The following GLIS3 variants were observed in gnomAD, a reference collection of about 807,000 sequenced individuals.
GLIS3 encodes GLIS family zinc finger 3.
A neutral mutation model predicts 78.6 loss-of-function variants in GLIS3; 53 were observed. That is an observed-to-expected ratio of 0.67 (90% confidence interval 0.54 to 0.85). GLIS3 has a LOEUF of 0.85. GLIS3 is among the 40% of genes least tolerant of loss of function. The pLI is 0.00. For synonymous variants in GLIS3, 684 were observed against 509.9 expected (o/e 1.34, Z -4.60); for missense variants, 1,703 against 1,231.1 (o/e 1.38, Z -5.74).
intron 9 of GLIS3, among the ~76,000 whole-genome samples, chr9:3,837,911 T>C (rs1818453576): frequency 6.6e-6 from 1 of 151,452 alleles, no homozygotes; most frequent in African/African-American, 2.4e-5. Flanking sequence ...TGAGTGAAAC[T>C]GATGTGTCAT....
chr9:4,323,880 A>G (rs10814934), intron 2 of GLIS3, among the ~76,000 whole-genome samples: 19 of 152,204 alleles, frequency 1.2e-4, no homozygotes, highest in African/African-American at 4.3e-4. Flanking sequence ...TATTCAGTAC[A>G]TCTAACTAAA....
chr9:4,385,583 T>C, the GLIS3 span, among the ~76,000 whole-genome samples: 1 of 150,248 alleles, frequency 6.7e-6, no homozygotes, highest in African/African-American at 2.5e-5. Context: ...GAGAAATGCT[T>C]GAACCTAGGA....
At chr9:4,096,424 A>G (rs964170646) in intron 4 of GLIS3, among the ~76,000 whole-genome samples, 1 of 152,220 alleles carries the variant, frequency 6.6e-6, no homozygotes, top group African/African-American at 2.4e-5. Context: ...CATCCTGCAC[A>G]TAACTCCAGA....
chr9:4,008,634 C>T (rs1821746601), intron 4 of GLIS3, among the ~76,000 whole-genome samples: 1 of 152,144 alleles, frequency 6.6e-6, no homozygotes, highest in Admixed American at 6.5e-5. Context: ...ATTCATCTCC[C>T]CACCTAGACT....
chr9:4,146,679 T>A (rs1395650746), intron 2 of GLIS3, among the ~76,000 whole-genome samples: 7 of 152,242 alleles, frequency 4.6e-5, no homozygotes, highest in Non-Finnish European at 1.0e-4. Flanking sequence ...GAATTAGATT[T>A]TTCAGCAGTA....
At chr9:4,228,216 A>G (rs71510205) in intron 2 of GLIS3, among the ~76,000 whole-genome samples, 9,377 of 150,396 alleles carry the variant, frequency 0.062, 384 homozygotes, top group Non-Finnish European at 0.089. Context: ...AAAAAAAAAA[A>G]AAGAAGAAGA....
the GLIS3 span, among the ~76,000 whole-genome samples, chr9:4,355,690 C>T: frequency 3.3e-5 from 5 of 152,138 alleles, no homozygotes; most frequent in Non-Finnish European, 7.4e-5. Context: ...CTCAGCAAAC[C>T]TCTTGGCTAA....
chr9:3,983,154 G>A (rs1819441899), intron 4 of GLIS3, among the ~76,000 whole-genome samples: 1 of 152,140 alleles, frequency 6.6e-6, no homozygotes, highest in South Asian at 2.1e-4. Context: ...TTCCTGTGCT[G>A]TTCTCTTGAT....
chr9:4,267,748 T>G (rs974315848), intron 2 of GLIS3, among the ~76,000 whole-genome samples: 1 of 152,208 alleles, frequency 6.6e-6, no homozygotes, highest in Admixed American at 6.5e-5. Flanking sequence ...TTCAGCTTCC[T>G]CATTTTACAA....
chr9:4,169,617 G>A (rs536817985), intron 2 of GLIS3, among the ~76,000 whole-genome samples: 1 of 152,288 alleles, frequency 6.6e-6, no homozygotes, highest in African/African-American at 2.4e-5. Context: ...TTTCACAGTT[G>A]TACTGTAGTT....
intron 2 of GLIS3, among the ~76,000 whole-genome samples, chr9:4,131,306 G>T (rs1185813452): frequency 6.6e-6 from 1 of 152,170 alleles, no homozygotes; most frequent in African/African-American, 2.4e-5. Context: ...GTTGAGATGG[G>T]ATGATTGTAT....
the GLIS3 span, among the ~76,000 whole-genome samples, chr9:4,359,747 C>A: frequency 6.6e-6 from 1 of 152,112 alleles, no homozygotes; most frequent in African/African-American, 2.4e-5. Flanking sequence ...CTGAAGTTAA[C>A]ATCAAGAATT....
intron 2 of GLIS3, among the ~76,000 whole-genome samples, chr9:4,253,125 G>A (rs1409323198): frequency 2.6e-5 from 4 of 152,240 alleles, no homozygotes; most frequent in African/African-American, 7.2e-5. Context: ...CTGTCCCTTA[G>A]CAGAGCTCAA....
chr9:4,000,852 T>C lies in GLIS3; in HGVS notation c.1711-63663A>G, dbSNP rs76718451. ...CTCCTGTCTCAATCTGGCCAGTTCCTACACTTCCAAAATCAGCAAAATGCC... is the reference window on the plus strand; with the variant it reads ...CTCCTGTCTCAATCTGGCCAGTTCCCACACTTCCAAAATCAGCAAAATGCC... On this transcript the variant is annotated intron_variant, in intron 4 of 10. Transcript: ENST00000381971. Among the ~76,000 whole-genome samples the C allele has an allele frequency of 2.4e-3, 366 of 152,316 alleles. 10 individuals are homozygous for C. The East Asian group carries it at 0.06, about 25-fold the overall frequency.
chr9:4,281,129 A>T (rs772069367), intron 2 of GLIS3, among the ~76,000 whole-genome samples: 1 of 152,194 alleles, frequency 6.6e-6, no homozygotes, highest in Non-Finnish European at 1.5e-5. Flanking sequence ...TAGTATTTTT[A>T]TTTCATTCTT....
chr9:4,196,497 C>T (rs1586945386), intron 2 of GLIS3, among the ~76,000 whole-genome samples: 1 of 152,184 alleles, frequency 6.6e-6, no homozygotes, highest in African/African-American at 2.4e-5. Flanking sequence ...GAGCTGTAAC[C>T]CTCACCATAA....
At chr9:4,036,851 C>T (rs922104250) in intron 4 of GLIS3, among the ~76,000 whole-genome samples, 2 of 152,134 alleles carry the variant, frequency 1.3e-5, no homozygotes, top group Non-Finnish European at 2.9e-5. Flanking sequence ...CTCCCTACTC[C>T]TTGCGTTTGA....
At chr9:4,290,056 G>A (rs1828319534) in intron 1 of GLIS3, among the ~76,000 whole-genome samples, 1 of 152,088 alleles carries the variant, frequency 6.6e-6, no homozygotes, top group African/African-American at 2.4e-5. Context: ...GAAAAGCAAT[G>A]TTAACTCATC....
intron 2 of GLIS3, among the ~76,000 whole-genome samples, chr9:4,285,141 A>T (rs191321280): frequency 3.9e-4 from 60 of 152,330 alleles, no homozygotes; most frequent in African/African-American, 1.1e-3. Context: ...TTTTTAACAT[A>T]AACATTTAAG....
Sources: gnomAD v4.1 joint callset for allele counts (sites outside exome capture counted in the v4.1 genomes callset) on GRCh38, gnomAD v4.1.1 for gene constraint, MANE v1.5 for transcripts, NCBI Gene and HGNC (gene_info 2026-07-23, HGNC 2026-07-21) for gene names.